Variants in DDAH1 observed in about 807,000 individuals in gnomAD.
DDAH1 encodes dimethylarginine dimethylaminohydrolase 1, also known as N(G),N(G)-dimethylarginine dimethylaminohydrolase 1.
Under a neutral mutation model 28.8 loss-of-function variants are expected in DDAH1, and 19 were observed. That is an observed-to-expected ratio of 0.66 (90% confidence interval 0.46 to 0.97). The LOEUF is 0.97. Among genes scored for constraint, DDAH1 ranks in the 50% least tolerant of loss-of-function variants. The pLI is 0.00. For synonymous variants in DDAH1, 153 were observed against 154.4 expected (o/e 0.99, Z 0.07); for missense variants, 326 against 375.9 (o/e 0.87, Z 1.10).
chr1:85,472,677 C>T (rs1041122281), intron 2 of DDAH1, among the ~76,000 whole-genome samples: 2 of 152,154 alleles, frequency 1.3e-5, no homozygotes, highest in Admixed American at 1.3e-4. Flanking sequence ...TGAGTTTTAA[C>T]AAGTTTGTGA....
At chr1:85,410,091 G>C (rs932600367) in intron 1 of DDAH1, among the ~76,000 whole-genome samples, 9 of 147,838 alleles carry the variant, frequency 6.1e-5, no homozygotes, top group Non-Finnish European at 1.3e-4. Flanking sequence ...GACCAGCCTG[G>C]GCAACATGGC....
At chr1:85,477,085 C>A (rs1432556148) in intron 2 of DDAH1, among the ~76,000 whole-genome samples, 1 of 152,064 alleles carries the variant, frequency 6.6e-6, no homozygotes, top group African/African-American at 2.4e-5. Context: ...GGAGAGGTGA[C>A]TTCTGAGCTG....
intron 1 of DDAH1, among the ~76,000 whole-genome samples, chr1:85,370,332 C>A (rs1650316324): frequency 6.6e-6 from 1 of 152,182 alleles, no homozygotes. Context: ...AAATATATCT[C>A]TGTTATTTAA....
chr1:85,410,637 CAA>C (rs10630765), intron 1 of DDAH1, among the ~76,000 whole-genome samples: 143 of 142,252 alleles, frequency 1.0e-3, no homozygotes, highest in East Asian at 8.2e-3. Context: ...AGCTCTGCCT[CAA>C]AAAAAAAAAA....
chr1:85,493,540 G>C (rs992656140), intron 2 of DDAH1: 1 of 152,090 alleles, frequency 6.6e-6, no homozygotes, highest in African/African-American at 2.4e-5. Flanking sequence ...TAATATCAGA[G>C]GTTGCTCCAA....
chr1:85,547,112 G>A (rs1377744631), intron 1 of DDAH1, among the ~76,000 whole-genome samples: 1 of 152,142 alleles, frequency 6.6e-6, no homozygotes, highest in Non-Finnish European at 1.5e-5. Flanking sequence ...AAGAGTGAAA[G>A]AGGCCGGAGT....
intron 1 of DDAH1, among the ~76,000 whole-genome samples, chr1:85,573,789 TC>T (rs1161265543): frequency 2.0e-5 from 3 of 152,184 alleles, no homozygotes; most frequent in African/African-American, 7.2e-5. Flanking sequence ...GGTTATAAAT[TC>T]CTACAACCAA....
intron 1 of DDAH1, among the ~76,000 whole-genome samples, chr1:85,452,688 G>C (rs958487709): frequency 1.3e-5 from 2 of 152,166 alleles, no homozygotes; most frequent in African/African-American, 2.4e-5. Context: ...GTAAAGAAGG[G>C]TAGGGAAGTT....
chr1:85,536,246 T>TA (rs1399797077), intron 1 of DDAH1, among the ~76,000 whole-genome samples: 2 of 151,090 alleles, frequency 1.3e-5, no homozygotes, highest in Non-Finnish European at 2.9e-5. Flanking sequence ...CAAATAAAAA[T>TA]AAAAAAATAA....
intron 1 of DDAH1, among the ~76,000 whole-genome samples, chr1:85,409,383 A>G (rs1008696089): frequency 6.6e-6 from 1 of 152,144 alleles, no homozygotes; most frequent in African/African-American, 2.4e-5. Flanking sequence ...TCACTGCCCA[A>G]ATGAAACACC....
rs547353530 is a variant in DDAH1, at chr1:85,444,008, C to A, written c.303+20735G>T. 8.5e-5 allele frequency among the ~76,000 whole-genome samples: 13 copies of A among 152,248 alleles called. No homozygotes were observed. The East Asian group carries it at 2.5e-3, about 29-fold the overall frequency. On this transcript the variant is annotated intron_variant, in intron 1 of 5. Coordinates refer to ENST00000284031, the MANE Select transcript of DDAH1 (RefSeq NM_012137.4). ...TTTCCTAATTGAATACCCTTTATTT[C>A]TTTCTCCTGCCTGATTGTCCTGGCC...
At chr1:85,425,417 T>C (rs1391424602) in intron 1 of DDAH1, among the ~76,000 whole-genome samples, 4 of 152,158 alleles carry the variant, frequency 2.6e-5, no homozygotes, top group African/African-American at 9.6e-5. Flanking sequence ...CATTTATATT[T>C]CTTCGATGGA....
chr1:85,454,475 C>A (rs1654796354), intron 1 of DDAH1, among the ~76,000 whole-genome samples: 1 of 152,136 alleles, frequency 6.6e-6, no homozygotes, highest in South Asian at 2.1e-4. Flanking sequence ...CCCAACTGGC[C>A]AACAGGAATG....
At chr1:85,502,551 C>T (rs568874453) in intron 1 of DDAH1, among the ~76,000 whole-genome samples, 1 of 152,284 alleles carries the variant, frequency 6.6e-6, no homozygotes, top group South Asian at 2.1e-4. Context: ...CATCATTGCC[C>T]CCTTCTCAGA....
chr1:85,504,738 T>C (rs1656949894), intron 1 of DDAH1, among the ~76,000 whole-genome samples: 1 of 152,080 alleles, frequency 6.6e-6, no homozygotes, highest in East Asian at 1.9e-4. Flanking sequence ...CTAAAAAGCA[T>C]GAGAACCCAT....
intron 4 of DDAH1, among the ~76,000 whole-genome samples, chr1:85,331,500 G>T (rs1647765641): frequency 6.6e-6 from 1 of 151,450 alleles, no homozygotes; most frequent in African/African-American, 2.4e-5. Context: ...ACTGACTATG[G>T]TCTATTGATA....
chr1:85,368,129 CT>C, intron 1 of DDAH1, among the ~76,000 whole-genome samples: 1 of 152,262 alleles, frequency 6.6e-6, no homozygotes, highest in South Asian at 2.1e-4. Flanking sequence ...TAAGACCATC[CT>C]GCCTATAGAA....
chr1:85,324,305 A>AT (rs1382270783), intron 5 of DDAH1, among the ~76,000 whole-genome samples: 4 of 103,668 alleles, frequency 3.9e-5, no homozygotes, highest in African/African-American at 1.4e-4. Context: ...ATAATAAATA[A>AT]AAAAATAAAA....
chr1:85,366,331 CT>C (rs1357534125), intron 1 of DDAH1, among the ~76,000 whole-genome samples: 2 of 152,084 alleles, frequency 1.3e-5, no homozygotes, highest in Non-Finnish European at 2.9e-5. Context: ...TTTGTTATAA[CT>C]TTTACATGAA....
Sources: gnomAD v4.1 joint callset for allele counts (sites outside exome capture counted in the v4.1 genomes callset) on GRCh38, gnomAD v4.1.1 for gene constraint, MANE v1.5 for transcripts, NCBI Gene and HGNC (gene_info 2026-07-23, HGNC 2026-07-21) for gene names.